Variants in CADPS2 observed in about 807,000 individuals in gnomAD.
The protein encoded by CADPS2 is calcium-dependent secretion activator 2.
In CADPS2, 93 loss-of-function variants were observed where a neutral mutation model predicts 172.5. The observed-to-expected ratio is 0.54, with a 90% CI of 0.46 to 0.64. The LOEUF (loss-of-function observed/expected upper bound fraction) is 0.64, where lower values mean the gene tolerates loss of function less well. Ranked by LOEUF, CADPS2 falls within the 30% of genes least tolerant of loss-of-function variation. The pLI is 0.00. For synonymous variants in CADPS2, 546 were observed against 555.2 expected, an observed-to-expected ratio of 0.98 and a Z score of 0.23; for missense variants, 1,420 against 1,565.9, an observed-to-expected ratio of 0.91 and a Z score of 1.57.
In CADPS2 at chr7:122,319,797, T is replaced by C. The variant is rs754816703; in HGVS notation, c.*368A>G. On this transcript the variant is annotated 3_prime_UTR_variant, in exon 30 of 30. Transcript: ENST00000449022. ...TCACAATGCTGCATTATGAGAAATA[T>C]GTATCTCGCTTTACACAGAAAACAT... 1.2e-4 allele frequency: 21 copies of C among 175,220 alleles called. No homozygotes were observed. The highest frequency in any genetic ancestry group is 2.0e-4 in the Non-Finnish European group (17 of 83,816). 10.9% of individuals were successfully genotyped at this position (175,220 alleles called of 1,614,324 possible).
intron 17 of CADPS2, among the ~76,000 whole-genome samples, chr7:122,431,569 A>G (rs1302623325): frequency 2.0e-5 from 3 of 151,654 alleles, no homozygotes; most frequent in Non-Finnish European, 2.9e-5. Context: ...GGGGAGTGTA[A>G]GAAGAGATCA....
At chr7:122,532,443 A>T (rs1350734978) in intron 8 of CADPS2, among the ~76,000 whole-genome samples, 1 of 152,144 alleles carries the variant, frequency 6.6e-6, no homozygotes, top group African/African-American at 2.4e-5. Flanking sequence ...ACATATTCTA[A>T]TTCAGGGGTT....
At chr7:122,413,016 G>A (rs1013444239) in intron 19 of CADPS2, 8 of 152,238 alleles carry the variant, frequency 5.3e-5, no homozygotes, top group Non-Finnish European at 8.8e-5. Flanking sequence ...GTGGTTTATT[G>A]GAAAATGTCC....
Position 122,854,529 on chromosome 7 carries a change from T to C in CADPS2, c.339+31470A>G, listed in dbSNP as rs1814638989. On this transcript the variant is annotated intron_variant, in intron 1 of 29. Coordinates refer to ENST00000449022, the MANE Select transcript of CADPS2 (RefSeq NM_017954.11). Reference sequence around the variant, plus strand: ...TCAAAGACACCATCCTAATTTACAATAGAATATCACCAAACATCACACCAG... The same window carrying C: ...TCAAAGACACCATCCTAATTTACAACAGAATATCACCAAACATCACACCAG... 4.6e-5 allele frequency among the ~76,000 whole-genome samples: 7 copies of C among 152,286 alleles called. No homozygotes were observed. The South Asian group carries it at 1.5e-3, about 32-fold the overall frequency.
At chr7:122,844,268 T>A (rs2140976253) in intron 1 of CADPS2, among the ~76,000 whole-genome samples, 1 of 152,356 alleles carries the variant, frequency 6.6e-6, no homozygotes, top group South Asian at 2.1e-4. Context: ...CACATTTGTA[T>A]GAAACTTTAT....
intron 2 of CADPS2, chr7:122,702,546 C>T (rs1266602049): frequency 3.1e-6 from 5 of 1,613,636 alleles, no homozygotes; most frequent in Non-Finnish European, 3.4e-6. Context: ...GACACCCTTT[C>T]CAGAGGAGAA....
intron 2 of CADPS2, among the ~76,000 whole-genome samples, chr7:122,708,927 C>T (rs2088147516): frequency 6.6e-6 from 1 of 151,818 alleles, no homozygotes; most frequent in Non-Finnish European, 1.5e-5. Flanking sequence ...AAGATTAAGA[C>T]AATATTTGGC....
intron 3 of CADPS2, among the ~76,000 whole-genome samples, chr7:122,632,875 T>C (rs1269081155): frequency 6.6e-6 from 1 of 152,162 alleles, no homozygotes; most frequent in Non-Finnish European, 1.5e-5. Flanking sequence ...TTTTCGTATA[T>C]GATGAAAGGT....
chr7:122,631,694 C>CT (rs61656656), intron 3 of CADPS2, among the ~76,000 whole-genome samples: 78,562 of 149,590 alleles, frequency 0.53, 20,629 homozygotes, highest in East Asian at 0.72. Flanking sequence ...ATTGTCTTTT[C>CT]TTTTTTTTTT....
At chr7:122,423,289 A>C (rs1041886873) in intron 17 of CADPS2, among the ~76,000 whole-genome samples, 5 of 152,092 alleles carry the variant, frequency 3.3e-5, no homozygotes, top group Non-Finnish European at 7.4e-5. Flanking sequence ...AAGATAAGAG[A>C]GTGGGAAATT....
At chr7:122,327,047 T>C (rs1201254777) in intron 28 of CADPS2, among the ~76,000 whole-genome samples, 1 of 152,068 alleles carries the variant, frequency 6.6e-6, no homozygotes, top group Non-Finnish European at 1.5e-5. Flanking sequence ...ATTTTGCTCC[T>C]TCCTAATGAG....
At chr7:122,668,513 T>C (rs1238554964) in intron 2 of CADPS2, among the ~76,000 whole-genome samples, 1 of 151,972 alleles carries the variant, frequency 6.6e-6, no homozygotes, top group African/African-American at 2.4e-5. Context: ...GTTGGTGGTG[T>C]CAGAGTAGAC....
At chr7:122,772,641 CA>C (rs951595886) in intron 1 of CADPS2, among the ~76,000 whole-genome samples, 2 of 151,110 alleles carry the variant, frequency 1.3e-5, no homozygotes, top group South Asian at 2.1e-4. Context: ...AACTAAAATA[CA>C]AAAAAAAGGG....
rs144892177 is a variant in CADPS2 at position 122,645,276 on chromosome 7, T to C, written c.787-15948A>G. On this transcript the variant is annotated intron_variant, in intron 3 of 29. Coordinates refer to ENST00000449022, the MANE Select transcript of CADPS2 (RefSeq NM_017954.11). ...ACATGTGTGTATACATGTACATATA[T>C]ACACACATATGTACATATATACACA... Among the ~76,000 whole-genome samples, 86 of 140,886 alleles carry C rather than the reference T, an allele frequency of 6.1e-4. 1 individual carries two copies. Among genetic ancestry groups the C allele is most frequent in the Admixed American group, 2.0e-3 (28 of 13,894 alleles). The allele number at this position is 140,886 out of a possible 152,430, so 92.4% of individuals were successfully genotyped here.
chr7:122,564,786 G>T (rs2066190701), intron 7 of CADPS2, among the ~76,000 whole-genome samples: 1 of 151,348 alleles, frequency 6.6e-6, no homozygotes, highest in Non-Finnish European at 1.5e-5. Context: ...ACAGATAACT[G>T]CATAAAATTT....
chr7:122,375,241 C>T (rs1391158869), intron 25 of CADPS2, among the ~76,000 whole-genome samples: 1 of 152,006 alleles, frequency 6.6e-6, no homozygotes, highest in Non-Finnish European at 1.5e-5. Flanking sequence ...CTTCAAATAA[C>T]CAAAACAATT....
At chr7:122,872,300 A>G (rs1819962571) in intron 1 of CADPS2, among the ~76,000 whole-genome samples, 1 of 152,098 alleles carries the variant, frequency 6.6e-6, no homozygotes, top group Non-Finnish European at 1.5e-5. Context: ...GTAACTTTAA[A>G]TTTTCATAAT....
At chr7:122,621,963 T>C (rs931174604) in intron 4 of CADPS2, among the ~76,000 whole-genome samples, 1 of 152,194 alleles carries the variant, frequency 6.6e-6, no homozygotes, top group Non-Finnish European at 1.5e-5. Context: ...TATTTTCACA[T>C]TAAATTTATT....
At chr7:122,611,936 T>C (rs1001709491) in intron 6 of CADPS2, among the ~76,000 whole-genome samples, 1 of 151,994 alleles carries the variant, frequency 6.6e-6, no homozygotes, top group Non-Finnish European at 1.5e-5. Context: ...TTACATCATA[T>C]CAACAGAATA....
Sources: allele counts gnomAD v4.1 joint callset (sites outside exome capture counted in the v4.1 genomes callset), GRCh38; gene constraint gnomAD v4.1.1; transcripts MANE v1.5; gene names NCBI Gene and HGNC (gene_info 2026-07-23, HGNC 2026-07-21).